Variants in ATRNL1 observed in about 807,000 individuals in gnomAD.
ATRNL1 encodes attractin-like protein 1.
ATRNL1 carries 95 observed loss-of-function variants against 182.7 expected under a neutral mutation model. The ratio of observed to expected loss-of-function variants is 0.52; its 90% CI spans 0.44 to 0.62. The LOEUF (loss-of-function observed/expected upper bound fraction) is 0.62, where lower values mean the gene tolerates loss of function less well. Among genes scored for constraint, ATRNL1 ranks in the 20% least tolerant of loss-of-function variants. ATRNL1 has a pLI of 0.00. For missense variants in ATRNL1, 1,471 were observed against 1,679.5 expected (o/e 0.88, Z 2.17); for synonymous variants, 576 against 568.3 (o/e 1.01, Z -0.19).
At chr10:115,472,224 A>G (rs1193872015) in intron 24 of ATRNL1, among the ~76,000 whole-genome samples, 3 of 150,984 alleles carry the variant, frequency 2.0e-5, no homozygotes, top group African/African-American at 7.3e-5. Flanking sequence ...TATGCCAGCA[A>G]CTTCCTGTTT....
rs79124231 is a variant in ATRNL1, at chr10:115,113,890, A to G, written c.294-6295A>G. On this transcript the variant is annotated intron_variant, in intron 1 of 28. Coordinates refer to ENST00000355044, the MANE Select transcript of ATRNL1 (RefSeq NM_207303.4). ...TCCTAGGACCTTCAGCTCTTTAGGG[A>G]TGTACTAAATGACTGGTATCATTGC... is the stretch of plus-strand genomic sequence containing the variant. Among the ~76,000 whole-genome samples the G allele has an allele frequency of 3.9e-4, 60 of 152,298 alleles. No homozygotes were observed. The East Asian group carries it at 5.6e-3, about 14-fold the overall frequency.
chr10:115,445,211 C>T (rs1554966410), intron 21 of ATRNL1, among the ~76,000 whole-genome samples: 1 of 149,744 alleles, frequency 6.7e-6, no homozygotes, highest in African/African-American at 2.5e-5. Context: ...GGTAGATCAC[C>T]TGAGGTCAGG....
chr10:115,590,521 G>A (rs1855838591), intron 26 of ATRNL1, among the ~76,000 whole-genome samples: 1 of 152,088 alleles, frequency 6.6e-6, no homozygotes, highest in African/African-American at 2.4e-5. Flanking sequence ...TGGAGTAGAG[G>A]AAGGGAAGAG....
intron 26 of ATRNL1, among the ~76,000 whole-genome samples, chr10:115,720,533 G>A (rs1321464287): frequency 2.0e-5 from 3 of 152,154 alleles, no homozygotes; most frequent in Non-Finnish European, 2.9e-5. Flanking sequence ...CATGTAGTTT[G>A]TACCACCCTG....
At chr10:115,267,147 G>T in intron 12 of ATRNL1, 142 bp downstream of exon 12, 1 of 580,034 alleles carries the variant, frequency 1.7e-6, no homozygotes. Context: ...TCTAATGTTT[G>T]AACCTAGTGA....
intron 25 of ATRNL1, among the ~76,000 whole-genome samples, chr10:115,520,308 A>C (rs1197991656): frequency 6.6e-6 from 1 of 152,198 alleles, no homozygotes; most frequent in Non-Finnish European, 1.5e-5. Context: ...TCTTGTCCAG[A>C]TATCCATAAA....
At chr10:115,401,700 C>T (rs1554957010) in intron 20 of ATRNL1, among the ~76,000 whole-genome samples, 1 of 152,034 alleles carries the variant, frequency 6.6e-6, no homozygotes, top group Admixed American at 6.6e-5. Flanking sequence ...GAGACTATAT[C>T]ATGTCTTAGG....
intron 27 of ATRNL1, among the ~76,000 whole-genome samples, chr10:115,740,390 T>C (rs1413789155): frequency 6.6e-6 from 1 of 152,074 alleles, no homozygotes; most frequent in African/African-American, 2.4e-5. Flanking sequence ...GGGCAGAAAG[T>C]TGGGTGCAGC....
chr10:115,772,589 T>A (rs1555076652), intron 27 of ATRNL1, among the ~76,000 whole-genome samples: 2 of 72,808 alleles, frequency 2.7e-5, no homozygotes, highest in African/African-American at 8.9e-5. Context: ...ACAAAATATA[T>A]ACTCTGTCTG....
At chr10:115,837,183 A>G (rs1435935839) in intron 27 of ATRNL1, among the ~76,000 whole-genome samples, 1 of 152,118 alleles carries the variant, frequency 6.6e-6, no homozygotes, top group African/African-American at 2.4e-5. Context: ...AATATTAGAT[A>G]ATTTGAGGAA....
intron 20 of ATRNL1, among the ~76,000 whole-genome samples, chr10:115,417,513 A>G (rs1202456608): frequency 2.6e-5 from 4 of 152,286 alleles, no homozygotes; most frequent in African/African-American, 9.6e-5. Flanking sequence ...TCAGGTAACT[A>G]TCATATCTGT....
intron 10 of ATRNL1, among the ~76,000 whole-genome samples, chr10:115,263,469 A>G (rs1851475869): frequency 6.6e-6 from 1 of 151,800 alleles, no homozygotes; most frequent in Non-Finnish European, 1.5e-5. Context: ...TGAACACAGA[A>G]TTACTATATG....
At chr10:115,918,392 C>T (rs977086859) in intron 28 of ATRNL1, among the ~76,000 whole-genome samples, 7 of 152,128 alleles carry the variant, frequency 4.6e-5, no homozygotes, top group African/African-American at 1.7e-4. Context: ...CATGAGCCAC[C>T]GCGTCCGGCC....
At chr10:115,386,846 G>C (rs1554952790) in intron 19 of ATRNL1, among the ~76,000 whole-genome samples, 1 of 121,296 alleles carries the variant, frequency 8.2e-6, no homozygotes, top group Non-Finnish European at 1.6e-5. Flanking sequence ...CCCAGAGTGT[G>C]ATGTTCCCCT....
At chr10:115,640,707 C>T (rs1555030001) in intron 26 of ATRNL1, among the ~76,000 whole-genome samples, 1 of 152,148 alleles carries the variant, frequency 6.6e-6, no homozygotes, top group African/African-American at 2.4e-5. Flanking sequence ...CAAAAATTTT[C>T]TTCCATTCTG....
chr10:115,557,148 G>T (rs557368464), intron 26 of ATRNL1, among the ~76,000 whole-genome samples: 1 of 152,234 alleles, frequency 6.6e-6, no homozygotes, highest in African/African-American at 2.4e-5. Flanking sequence ...CTGTGCTTCT[G>T]TGTTCACTCC....
At chr10:115,173,747 C>T (rs545965823) in intron 8 of ATRNL1, among the ~76,000 whole-genome samples, 111 of 151,808 alleles carry the variant, frequency 7.3e-4, no homozygotes, top group African/African-American at 2.5e-3. Context: ...CCTCATCTGT[C>T]GTTAATATTG....
intron 17 of ATRNL1, among the ~76,000 whole-genome samples, chr10:115,305,365 GGA>G (rs1853676242): frequency 6.6e-6 from 1 of 152,138 alleles, no homozygotes; most frequent in Non-Finnish European, 1.5e-5. Flanking sequence ...GGCATGAAGT[GGA>G]GAGGTATGCC....
intron 24 of ATRNL1, among the ~76,000 whole-genome samples, chr10:115,505,777 A>G (rs543575899): frequency 7.9e-5 from 12 of 152,214 alleles, no homozygotes; most frequent in African/African-American, 2.9e-4. Flanking sequence ...ACACATACAC[A>G]CACACACGTC....
Sources: allele counts gnomAD v4.1 joint callset (sites outside exome capture counted in the v4.1 genomes callset), GRCh38; gene constraint gnomAD v4.1.1; transcripts MANE v1.5; gene names NCBI Gene and HGNC (gene_info 2026-07-23, HGNC 2026-07-21).